Variants in COL14A1 observed in about 807,000 individuals in gnomAD.
COL14A1 encodes collagen alpha-1(XIV) chain.
In COL14A1, 136 loss-of-function variants were observed where a neutral mutation model predicts 230.3. The observed-to-expected ratio is 0.59, with a 90% CI of 0.51 to 0.68. The LOEUF (loss-of-function observed/expected upper bound fraction) is 0.68. Among genes scored for constraint, COL14A1 ranks in the 30% least tolerant of loss-of-function variants. The pLI, the probability that COL14A1 is intolerant of heterozygous loss-of-function variation, is 0.00. For missense variants in COL14A1, 1,976 were observed against 2,215.8 expected (o/e 0.89, Z 2.17); for synonymous variants, 792 against 784.1 (o/e 1.01, Z -0.17).
intron 4 of COL14A1, among the ~76,000 whole-genome samples, chr8:120,163,368 G>T (rs752155570): frequency 6.6e-6 from 1 of 152,202 alleles, no homozygotes; most frequent in Non-Finnish European, 1.5e-5. Context: ...AGAAAGGATA[G>T]GGTGTGCAGA....
At chr8:120,141,341 G>A (rs1814901670) in intron 1 of COL14A1, among the ~76,000 whole-genome samples, 1 of 152,088 alleles carries the variant, frequency 6.6e-6, no homozygotes, top group Admixed American at 6.6e-5. Context: ...CCAGGAGTTC[G>A]AGACTAGCCT....
chr8:120,345,051 G>A (rs192719766), intron 44 of COL14A1, among the ~76,000 whole-genome samples: 1 of 152,250 alleles, frequency 6.6e-6, no homozygotes, highest in East Asian at 1.9e-4. Context: ...TGGCAGCTGG[G>A]TGAGGGTCTA....
chr8:120,176,369 T>C (rs745670952), intron 5 of COL14A1, among the ~76,000 whole-genome samples: 3 of 152,152 alleles, frequency 2.0e-5, no homozygotes, highest in African/African-American at 7.2e-5. Flanking sequence ...CAGTTCTGAA[T>C]TATGCAGTCA....
At chr8:120,350,591 T>C (rs553325755) in intron 45 of COL14A1, among the ~76,000 whole-genome samples, 3,042 of 150,544 alleles carry the variant, frequency 0.02, 107 homozygotes, top group African/African-American at 0.07. Flanking sequence ...GCAATCCTAG[T>C]CTCTGATAAA....
intron 45 of COL14A1, among the ~76,000 whole-genome samples, chr8:120,364,512 A>T (rs1823336015): frequency 6.6e-6 from 1 of 152,210 alleles, no homozygotes; most frequent in African/African-American, 2.4e-5. Flanking sequence ...TTCCTTCAGT[A>T]TGCGAACCAC....
chr8:120,285,531 T>C (rs1820167289), intron 32 of COL14A1, among the ~76,000 whole-genome samples: 1 of 150,750 alleles, frequency 6.6e-6, no homozygotes, highest in Non-Finnish European at 1.5e-5. Flanking sequence ...TTGATAAACT[T>C]AAAGCAGCTG....
chr8:120,272,122 G>A (rs1304919851), intron 26 of COL14A1, among the ~76,000 whole-genome samples: 1 of 151,714 alleles, frequency 6.6e-6, no homozygotes, highest in East Asian at 1.9e-4. Flanking sequence ...CAAGACAGGA[G>A]AGATTAGGGT....
chr8:120,345,318 C>T, intron 44 of COL14A1, 57 bp from the exon 45 acceptor site: 3 of 1,471,590 alleles, frequency 2.0e-6, no homozygotes, highest in Non-Finnish European at 2.7e-6. Flanking sequence ...CACCCCTGGT[C>T]CTCTCTTTCC....
At chr8:120,313,728 G>C (rs1200502048) in intron 37 of COL14A1, among the ~76,000 whole-genome samples, 1 of 152,168 alleles carries the variant, frequency 6.6e-6, no homozygotes, top group East Asian at 1.9e-4. Context: ...AGCGATCCCT[G>C]TGTGTTTACT....
At chr8:120,138,586 A>C (rs1156745619) in intron 1 of COL14A1, among the ~76,000 whole-genome samples, 1 of 152,218 alleles carries the variant, frequency 6.6e-6, no homozygotes, top group African/African-American at 2.4e-5. Context: ...ATAGGAACTA[A>C]ACTAGGTCTT....
intron 40 of COL14A1, among the ~76,000 whole-genome samples, chr8:120,322,102 A>C (rs893078955): frequency 2.0e-5 from 3 of 151,866 alleles, no homozygotes; most frequent in Admixed American, 6.6e-5. Context: ...TTAAATTATA[A>C]ATGAATATGT....
intron 26 of COL14A1, among the ~76,000 whole-genome samples, chr8:120,275,861 A>G (rs549646352): frequency 2.0e-5 from 3 of 152,084 alleles, no homozygotes; most frequent in Non-Finnish European, 4.4e-5. Flanking sequence ...GTGAAAAGGA[A>G]ATATTTATAC....
chr8:120,242,925 C>T (rs1389198824), intron 19 of COL14A1, among the ~76,000 whole-genome samples: 1 of 152,186 alleles, frequency 6.6e-6, no homozygotes, highest in East Asian at 1.9e-4. Context: ...CGCCCTTTGC[C>T]TGCTGGCATT....
At chr8:120,261,704 G>A (rs1362176784) in intron 23 of COL14A1, among the ~76,000 whole-genome samples, 1 of 152,146 alleles carries the variant, frequency 6.6e-6, no homozygotes, top group Non-Finnish European at 1.5e-5. Context: ...TGTATGACAT[G>A]TCTCCTTGGT....
At chr8:120,131,843 T>C (rs1328858044) in intron 1 of COL14A1, among the ~76,000 whole-genome samples, 5 of 128,528 alleles carry the variant, frequency 3.9e-5, no homozygotes, top group South Asian at 2.8e-4. Flanking sequence ...CCTTTCTTTT[T>C]TTTTTTTTTT....
intron 23 of COL14A1, among the ~76,000 whole-genome samples, chr8:120,258,479 G>A (rs1448797321): frequency 6.6e-6 from 1 of 152,096 alleles, no homozygotes; most frequent in East Asian, 1.9e-4. Flanking sequence ...TGTATCTGGT[G>A]GTGGTGGCTG....
rs747608686 is a variant in COL14A1 at position 120,209,864 on chromosome 8, C to T, written c.1430C>T (p.Ala477Val). Reference sequence around the variant, plus strand: ...GCCTCAGGTTACCTGATCCTTTATGCTCCTCTAACAGAGGGCCTGGCTGGG... The same window carrying T: ...GCCTCAGGTTACCTGATCCTTTATGTTCCTCTAACAGAGGGCCTGGCTGGG... ...PGASGYLILY[A>V]PLTEGLAGDE... Residue 477 changes from alanine to valine, a missense_variant, in exon 12 of 48, where the codon GCT (alanine) becomes GTT (valine). Transcript: ENST00000297848. The T allele has an allele frequency of 6.2e-7, 1 of 1,613,276 alleles. No homozygotes were observed. The highest frequency in any genetic ancestry group is 8.5e-7 in the Non-Finnish European group (1 of 1,179,662).
At chr8:120,361,805 G>A (rs1032658629) in intron 45 of COL14A1, among the ~76,000 whole-genome samples, 7 of 152,180 alleles carry the variant, frequency 4.6e-5, no homozygotes, top group Non-Finnish European at 1.0e-4. Context: ...AGTGCGTGGT[G>A]TGGTCGGGGG....
chr8:120,267,549 A>G (rs1219923821), intron 25 of COL14A1, among the ~76,000 whole-genome samples: 1 of 151,930 alleles, frequency 6.6e-6, no homozygotes, highest in Non-Finnish European at 1.5e-5. Context: ...AGAAGTGGTA[A>G]TGGTTAATAC....
Sources: gnomAD v4.1 joint callset for allele counts (sites outside exome capture counted in the v4.1 genomes callset) on GRCh38, gnomAD v4.1.1 for gene constraint, MANE v1.5 for transcripts, NCBI Gene and HGNC (gene_info 2026-07-23, HGNC 2026-07-21) for gene names.